The following ITPR2 variants were observed in gnomAD, a reference collection of about 807,000 sequenced individuals.
The protein encoded by ITPR2 is inositol 1,4,5-trisphosphate receptor type 2.
ITPR2 carries 207 observed loss-of-function variants against 317.1 expected under a neutral mutation model. The ratio of observed to expected loss-of-function variants is 0.65; its 90% CI spans 0.58 to 0.73. The LOEUF is 0.73. Among genes scored for constraint, ITPR2 ranks in the 30% least tolerant of loss-of-function variants. The probability of loss-of-function intolerance (pLI) is 0.00; values close to 1 mark genes in which losing one functional copy is unlikely to be tolerated. For missense variants in ITPR2, 2,613 were observed against 3,284.0 expected (o/e 0.80, Z 4.99); for synonymous variants, 1,156 against 1,149.1 (o/e 1.01, Z -0.12).
In ITPR2 at chr12:26,657,888, C is replaced by T; in HGVS notation, c.2011G>A (p.Val671Ile). ...NADILIQTKV[V>I]SMQADNPMES... ...ATGGGGTTGTCTGCTTGCATTGAGACCACCCTTCAAATAAATAGCACATAC... is the reference window on the plus strand; with the variant it reads ...ATGGGGTTGTCTGCTTGCATTGAGATCACCCTTCAAATAAATAGCACATAC... The change falls in exon 18 of 57, where the codon GTC (valine) becomes ATC (isoleucine). Residue 671 changes from valine (V) to isoleucine (I), a missense_variant. Physicochemically the swap from Val to Ile is conservative, Grantham distance 29 (BLOSUM62 3). Around this residue, in one of 9 missense-constraint regions of ITPR2, gnomAD observed 817 missense variants for 897.6 expected, o/e 0.91. Coordinates refer to ENST00000381340, the MANE Select transcript of ITPR2 (RefSeq NM_002223.4). 1 of 1,613,034 alleles carries T rather than the reference C, an allele frequency of 6.2e-7. No homozygotes were observed. Among genetic ancestry groups the T allele is most frequent in the Non-Finnish European group, 8.5e-7 (1 of 1,179,370 alleles).
chr12:26,781,015 T>C (rs541949998), intron 2 of ITPR2, among the ~76,000 whole-genome samples: 1 of 152,310 alleles, frequency 6.6e-6, no homozygotes, highest in East Asian at 1.9e-4. Flanking sequence ...AGTCTATGAC[T>C]CCACAATGGA....
intron 10 of ITPR2, among the ~76,000 whole-genome samples, chr12:26,686,878 G>A (rs1948137753): frequency 1.3e-5 from 2 of 152,088 alleles, no homozygotes; most frequent in African/African-American, 4.8e-5. Flanking sequence ...GGCACTAACG[G>A]TACCAATAGT....
chr12:26,613,780 C>A (rs942691589), intron 26 of ITPR2, among the ~76,000 whole-genome samples: 2 of 152,140 alleles, frequency 1.3e-5, no homozygotes, highest in African/African-American at 4.8e-5. Flanking sequence ...GGAAAAAATT[C>A]TCTTGAGGCT....
chr12:26,343,261 T>C, intron 55 of ITPR2, among the ~76,000 whole-genome samples: 1 of 152,192 alleles, frequency 6.6e-6, no homozygotes, highest in Non-Finnish European at 1.5e-5. Flanking sequence ...TGCATCAAAG[T>C]CTGTTGGCAA....
intron 54 of ITPR2, among the ~76,000 whole-genome samples, chr12:26,391,415 G>C (rs1425044105): frequency 6.6e-6 from 1 of 152,140 alleles, no homozygotes; most frequent in African/African-American, 2.4e-5. Flanking sequence ...GGGAATGTCA[G>C]TTACTCTGGT....
chr12:26,671,121 C>T (rs539983912), intron 13 of ITPR2, among the ~76,000 whole-genome samples: 1 of 152,292 alleles, frequency 6.6e-6, no homozygotes, highest in South Asian at 2.1e-4. Context: ...TTGGAAAACA[C>T]TCTGCAGGAT....
intron 23 of ITPR2, among the ~76,000 whole-genome samples, chr12:26,625,711 A>C (rs1005314947): frequency 6.6e-6 from 1 of 152,234 alleles, no homozygotes; most frequent in Non-Finnish European, 1.5e-5. Context: ...ACTTACATAT[A>C]ATTTAAATGA....
intron 45 of ITPR2, among the ~76,000 whole-genome samples, chr12:26,469,669 G>A (rs774635350): frequency 3.4e-4 from 52 of 151,682 alleles, no homozygotes; most frequent in Non-Finnish European, 6.3e-4. Flanking sequence ...GATCTGTTGC[G>A]GATCTTCTTT....
In ITPR2 at chr12:26,655,822, A is replaced by G. The variant is rs1364816150; in HGVS notation, c.2475T>C (p.Asn825=). 1 of 1,612,008 alleles carries G rather than the reference A, an allele frequency of 6.2e-7. No homozygotes were observed. The highest frequency in any genetic ancestry group is 8.5e-7 in the Non-Finnish European group (1 of 1,178,914). The part of the protein sequence containing the change: ...EYDSITDSSR[N]DMKRKFALTM... ...TCAGGGCAAATTTCCTCTTCATATC[A>G]TTTCTGGAAGAGTCTGTTATAGAAT... The change falls in exon 20 of 57, where the codon AAT becomes AAC. Residue 825 remains asparagine (N), a synonymous_variant. Coordinates refer to ENST00000381340, the MANE Select transcript of ITPR2 (RefSeq NM_002223.4).
At chr12:26,695,750 T>G (rs1948332903) in intron 9 of ITPR2, 100 bp from the exon 10 acceptor site, 6 of 739,916 alleles carry the variant, frequency 8.1e-6, no homozygotes, top group Non-Finnish European at 1.4e-5. Flanking sequence ...CTCAACTAAG[T>G]TTAATATAAA....
At chr12:26,828,762 TA>T (rs1951048985) in intron 1 of ITPR2, among the ~76,000 whole-genome samples, 1 of 152,240 alleles carries the variant, frequency 6.6e-6, no homozygotes, top group South Asian at 2.1e-4. Flanking sequence ...TACATCAGTT[TA>T]AATTAGGATA....
intron 2 of ITPR2, among the ~76,000 whole-genome samples, chr12:26,766,048 C>T (rs1035989549): frequency 3.3e-5 from 5 of 152,278 alleles, no homozygotes; most frequent in Admixed American, 2.6e-4. Context: ...TCACCAGCTG[C>T]TAAGCATTTG....
rs147097694 is a variant in ITPR2, at chr12:26,479,242, T to C, written c.6123+1889A>G. Among the ~76,000 whole-genome samples the C allele has an allele frequency of 4.4e-3, 667 of 151,604 alleles. 1 individual carries two copies. Among genetic ancestry groups the C allele is most frequent in the Non-Finnish European group, 7.6e-3 (518 of 67,818 alleles). On this transcript the variant is annotated intron_variant, in intron 43 of 56. Transcript: ENST00000381340. ...TCATATTTTTAAAAGGTAGCAATTG[T>C]ACATACTAAAATCAATAAAAATTTA...
chr12:26,695,675 T>C lies in ITPR2; in HGVS notation c.952-25A>G, dbSNP rs189283116. The C allele has an allele frequency of 1.3e-5, 21 of 1,563,760 alleles. No homozygotes were observed. In the Admixed American group the frequency reaches 3.3e-4, roughly 25 times the overall value. Reference sequence around the variant, plus strand: ...GCTAGAAAAACAAAGGAAAATTTAGTTTTTCATTGCTATGAAAAGCACACT... The same window carrying C: ...GCTAGAAAAACAAAGGAAAATTTAGCTTTTCATTGCTATGAAAAGCACACT... On this transcript the variant is annotated intron_variant, in intron 9 of 56. Transcript: ENST00000381340.
At chr12:26,778,111 T>C (rs1368279578) in intron 2 of ITPR2, among the ~76,000 whole-genome samples, 1 of 152,164 alleles carries the variant, frequency 6.6e-6, no homozygotes, top group African/African-American at 2.4e-5. Flanking sequence ...GAATGCATAA[T>C]TGCCATAGAC....
chr12:26,748,994 A>G (rs1433633987), intron 2 of ITPR2, among the ~76,000 whole-genome samples: 1 of 152,206 alleles, frequency 6.6e-6, no homozygotes, highest in Non-Finnish European at 1.5e-5. Flanking sequence ...GGGAAATCAT[A>G]CCTTTTATGT....
Position 26,407,647 on chromosome 12 carries a change from G to A in ITPR2, c.7399+3673C>T, listed in dbSNP as rs987235399. Among the ~76,000 whole-genome samples the A allele has an allele frequency of 2.0e-5, 3 of 152,304 alleles. No individual in the cohort carries two copies. The South Asian group carries it at 6.2e-4, about 32-fold the overall frequency. Reference sequence around the variant, plus strand: ...GAAATGATCTCAAATTTTGGTTAGGGAAGAAATAATTTATAGTGATCTTTT... The same window carrying A: ...GAAATGATCTCAAATTTTGGTTAGGAAAGAAATAATTTATAGTGATCTTTT... On this transcript the variant is annotated intron_variant, in intron 52 of 56. Coordinates refer to ENST00000381340, the MANE Select transcript of ITPR2 (RefSeq NM_002223.4).
intron 21 of ITPR2, among the ~76,000 whole-genome samples, chr12:26,640,518 T>A (rs1240700166): frequency 6.6e-6 from 1 of 152,128 alleles, no homozygotes; most frequent in African/African-American, 2.4e-5. Flanking sequence ...AGGTATATAG[T>A]AATATATTAG....
intron 11 of ITPR2, among the ~76,000 whole-genome samples, chr12:26,684,628 C>G (rs1948093464): frequency 6.6e-6 from 1 of 152,138 alleles, no homozygotes; most frequent in African/African-American, 2.4e-5. Flanking sequence ...GATGTTAATA[C>G]AAAATTCTGC....
Sources: gnomAD v4.1 joint callset for allele counts (sites outside exome capture counted in the v4.1 genomes callset) on GRCh38, gnomAD v4.1.1 for gene constraint, gnomAD v4.1.1 regional missense constraint, MANE v1.5 for transcripts, NCBI Gene and HGNC (gene_info 2026-07-23, HGNC 2026-07-21) for gene names.